The following NTRK2 variants were observed in gnomAD, a reference collection of about 807,000 sequenced individuals.
The protein encoded by NTRK2 is neurotrophic receptor tyrosine kinase 2.
A neutral mutation model predicts 94.5 loss-of-function variants in NTRK2; 13 were observed. The observed-to-expected ratio is 0.14, with a 90% confidence interval of 0.09 to 0.22. The LOEUF is 0.22. Ranked by LOEUF, NTRK2 falls within the 10% of genes least tolerant of loss-of-function variation. The probability of loss-of-function intolerance (pLI) is 1.00; values close to 1 mark genes in which losing one functional copy is unlikely to be tolerated. For missense variants in NTRK2, 639 were observed against 1,071.2 expected, an observed-to-expected ratio of 0.60 and a Z score of 5.63; for synonymous variants, 372 against 407.4, an observed-to-expected ratio of 0.91 and a Z score of 1.05.
At chr9:84,786,263 A>G (rs1039913387) in intron 12 of NTRK2, among the ~76,000 whole-genome samples, 26 of 152,182 alleles carry the variant, frequency 1.7e-4, no homozygotes, top group African/African-American at 6.0e-4. Context: ...GCTTGTTTCT[A>G]AGCATGTTTC....
rs940324268 is a variant in NTRK2 at position 85,020,134 on chromosome 9, T to A, written c.2173-72T>A. 1.7e-5 allele frequency: 26 copies of A among 1,515,522 alleles called. No individual in the cohort carries two copies. The African/African-American group carries it at 2.5e-4, about 14-fold the overall frequency. 93.9% of individuals were successfully genotyped at this position (1,515,522 alleles called of 1,614,324 possible). A position where few individuals can be genotyped will look rare whatever the true frequency, so the allele number is the denominator to read the frequency against. On this transcript the variant is annotated intron_variant, in intron 17 of 18. Transcript: ENST00000277120. ...GTGCAAATAAGGAAAGCAAACAGTGTCCCCCAGCAGCTCCCTTCCACACCT... is the reference window on the plus strand; with the variant it reads ...GTGCAAATAAGGAAAGCAAACAGTGACCCCCAGCAGCTCCCTTCCACACCT...
At chr9:84,891,243 A>T (rs901208609) in intron 14 of NTRK2, among the ~76,000 whole-genome samples, 2 of 151,736 alleles carry the variant, frequency 1.3e-5, no homozygotes, top group Admixed American at 1.3e-4. Flanking sequence ...CTTTTTTTTA[A>T]AAAAAGTGCC....
At chr9:84,671,013 T>G in intron 2 of NTRK2, 53 bp downstream of exon 2, 1 of 1,553,632 alleles carries the variant, frequency 6.4e-7, no homozygotes, top group Admixed American at 1.7e-5. Context: ...GGGCCCGAGC[T>G]GGCCAGGTGG....
chr9:84,831,676 T>G (rs2073556633), intron 12 of NTRK2, among the ~76,000 whole-genome samples: 1 of 152,322 alleles, frequency 6.6e-6, no homozygotes, highest in African/African-American at 2.4e-5. Context: ...AGCTAATAAA[T>G]GTCACAGCAA....
intron 17 of NTRK2, among the ~76,000 whole-genome samples, chr9:85,017,576 A>G (rs1588199908): frequency 6.6e-6 from 1 of 152,348 alleles, no homozygotes; most frequent in East Asian, 1.9e-4. Flanking sequence ...AAATAGTTTA[A>G]TTTACCAAAG....
At chr9:84,967,907 T>C (rs1825740768) in intron 17 of NTRK2, among the ~76,000 whole-genome samples, 1 of 152,230 alleles carries the variant, frequency 6.6e-6, no homozygotes, top group Non-Finnish European at 1.5e-5. Context: ...TTTCTGCAGC[T>C]ACCATGGGGG....
At chr9:84,706,357 C>T (rs780312124) in intron 4 of NTRK2, among the ~76,000 whole-genome samples, 4 of 151,848 alleles carry the variant, frequency 2.6e-5, no homozygotes, top group Non-Finnish European at 4.4e-5. Context: ...AACTGACTAG[C>T]CTTAGTTCAT....
chr9:84,930,839 G>A (rs1032727974), intron 14 of NTRK2, among the ~76,000 whole-genome samples: 1 of 152,108 alleles, frequency 6.6e-6, no homozygotes, highest in South Asian at 2.1e-4. Context: ...ATGGGAAGAC[G>A]TTCTTAGCTC....
At chr9:84,995,379 T>TTTTG (rs558674857) in intron 17 of NTRK2, among the ~76,000 whole-genome samples, 138 of 152,264 alleles carry the variant, frequency 9.1e-4, no homozygotes, top group African/African-American at 3.3e-3. Context: ...TTGGTTTGTT[T>TTTTG]TTTGTTTGTT....
chr9:85,016,546 G>A (rs1175232924), intron 17 of NTRK2, among the ~76,000 whole-genome samples: 1 of 152,148 alleles, frequency 6.6e-6, no homozygotes, highest in Non-Finnish European at 1.5e-5. Flanking sequence ...CAAGTAGTAC[G>A]ATACAAAACA....
intron 17 of NTRK2, among the ~76,000 whole-genome samples, chr9:84,984,022 C>T (rs1827984720): frequency 6.6e-6 from 1 of 152,178 alleles, no homozygotes; most frequent in Admixed American, 6.5e-5. Flanking sequence ...TTTCGAGCCT[C>T]AGTTTCATCA....
At chr9:84,998,318 G>C (rs1343757948) in intron 17 of NTRK2, among the ~76,000 whole-genome samples, 1 of 152,126 alleles carries the variant, frequency 6.6e-6, no homozygotes, top group Non-Finnish European at 1.5e-5. Context: ...CCCCAACCTG[G>C]ACTGGAGATG....
rs34699752 is a variant in NTRK2 at position 84,761,174 on chromosome 9, G to C, written c.1396+9089G>C. ...AGAATGAGAGAGAGAATGAGCCAGT[G>C]AGCTAGTGACCTGATCTCTATTTCA... On this transcript the variant is annotated intron_variant, in intron 12 of 18. Transcript: ENST00000277120. Among the ~76,000 whole-genome samples, 633 of 152,310 alleles carry C rather than the reference G, an allele frequency of 4.2e-3. 2 individuals are homozygous for C. Among genetic ancestry groups the C allele is most frequent in the South Asian group, 0.022 (107 of 4,826 alleles).
intron 17 of NTRK2, among the ~76,000 whole-genome samples, chr9:84,995,403 G>T: frequency 6.6e-6 from 1 of 151,864 alleles, no homozygotes; most frequent in Non-Finnish European, 1.5e-5. Flanking sequence ...TTGTTTTTTG[G>T]CATGGAGTGG....
At chr9:84,884,514 C>T (rs981924060) in intron 14 of NTRK2, among the ~76,000 whole-genome samples, 3 of 152,292 alleles carry the variant, frequency 2.0e-5, no homozygotes, top group Admixed American at 6.5e-5. Context: ...GCAACATCGA[C>T]GATTAGCTGT....
chr9:84,685,520 G>A (rs2059657592), intron 2 of NTRK2, among the ~76,000 whole-genome samples: 1 of 151,904 alleles, frequency 6.6e-6, no homozygotes, highest in Non-Finnish European at 1.5e-5. Flanking sequence ...AACAAAGATG[G>A]CATTACACTT....
intron 12 of NTRK2, among the ~76,000 whole-genome samples, chr9:84,822,939 T>C (rs1466205691): frequency 1.3e-5 from 2 of 152,196 alleles, no homozygotes; most frequent in African/African-American, 2.4e-5. Flanking sequence ...TGCTCATTAA[T>C]TGCTGCTTGC....
chr9:84,919,350 T>A (rs1346995572), intron 14 of NTRK2, among the ~76,000 whole-genome samples: 1 of 152,212 alleles, frequency 6.6e-6, no homozygotes, highest in Non-Finnish European at 1.5e-5. Context: ...TAGTGTCTTA[T>A]CTACAAAGCT....
At chr9:84,966,227 A>G (rs113579814) in intron 17 of NTRK2, among the ~76,000 whole-genome samples, 20 of 152,320 alleles carry the variant, frequency 1.3e-4, no homozygotes, top group African/African-American at 4.6e-4. Flanking sequence ...ACCTAGTACT[A>G]TAGAACTTCC....
Sources: allele counts gnomAD v4.1 joint callset (sites outside exome capture counted in the v4.1 genomes callset), GRCh38; gene constraint gnomAD v4.1.1; transcripts MANE v1.5; gene names NCBI Gene and HGNC (gene_info 2026-07-23, HGNC 2026-07-21).